The following COMMD1 variants were observed in gnomAD, a reference collection of about 807,000 sequenced individuals.
COMMD1 encodes the protein COMM domain-containing protein 1.
A neutral mutation model predicts 17.2 loss-of-function variants in COMMD1; 10 were observed. That is an observed-to-expected ratio of 0.58 (90% confidence interval 0.36 to 0.99). COMMD1 has a LOEUF of 0.99. Among genes scored for constraint, COMMD1 ranks in the 50% least tolerant of loss-of-function variants. COMMD1 has a pLI of 0.01. For synonymous variants in COMMD1, 97 were observed against 91.6 expected, an observed-to-expected ratio of 1.06 and a Z score of -0.34; for missense variants, 270 against 231.8, an observed-to-expected ratio of 1.17 and a Z score of -1.07.
At chr2:62,028,063 G>C (rs1012809455) in intron 2 of COMMD1, among the ~76,000 whole-genome samples, 1 of 152,182 alleles carries the variant, frequency 6.6e-6, no homozygotes, top group Admixed American at 6.5e-5. Flanking sequence ...GGAGTAGAAA[G>C]TCCTCTTCAC....
chr2:62,072,552 A>G (rs141771397), intron 2 of COMMD1, among the ~76,000 whole-genome samples: 75 of 152,318 alleles, frequency 4.9e-4, no homozygotes, highest in African/African-American at 1.6e-3. Context: ...GACACGGGAC[A>G]AGAACCTGGG....
Position 62,060,437 on chromosome 2 carries a change from G to GT in COMMD1, c.462+59461dup, listed in dbSNP as rs1394643372. On this transcript the variant is annotated intron_variant, in intron 2 of 2. Coordinates refer to ENST00000311832, the MANE Select transcript of COMMD1 (RefSeq NM_152516.4). The stretch of plus-strand genomic sequence containing the variant: ...CTTCTTTTATGCAGTAGTTGTCATG[G>GT]TTTTTTCTTAATGTGGTAACCCGTA... Among the ~76,000 whole-genome samples the GT allele has an allele frequency of 7.9e-5, 12 of 152,270 alleles. No homozygotes were observed. The East Asian group carries it at 2.1e-3, about 27-fold the overall frequency.
chr2:62,060,023 T>C (rs1272305598), intron 2 of COMMD1, among the ~76,000 whole-genome samples: 6 of 152,188 alleles, frequency 3.9e-5, no homozygotes, highest in African/African-American at 1.4e-4. Flanking sequence ...GATTACAATA[T>C]ACATTCTTAA....
chr2:61,999,832 T>C (rs1668873917), intron 1 of COMMD1, among the ~76,000 whole-genome samples: 1 of 152,200 alleles, frequency 6.6e-6, no homozygotes, highest in Non-Finnish European at 1.5e-5. Context: ...TGACATGGAA[T>C]TTTTAACAGT....
chr2:61,917,374 G>A (rs558715866), intron 1 of COMMD1, among the ~76,000 whole-genome samples: 2 of 151,722 alleles, frequency 1.3e-5, no homozygotes, highest in South Asian at 4.2e-4. Flanking sequence ...AAAAAAAAGT[G>A]CATTTGGTAT....
chr2:61,888,545 C>T (rs750142476), upstream of COMMD1: 2 of 1,593,680 alleles, frequency 1.3e-6, no homozygotes, highest in Admixed American at 1.7e-5. Context: ...TCGGGAAGGA[C>T]GGATGGACCC....
intron 1 of COMMD1, among the ~76,000 whole-genome samples, chr2:61,953,117 C>A (rs1671100730): frequency 6.6e-6 from 1 of 151,868 alleles, no homozygotes; most frequent in Admixed American, 6.6e-5. Flanking sequence ...TTAAGTGATT[C>A]TCCTGCCTCA....
chr2:62,073,697 T>A (rs1287785818), intron 2 of COMMD1, among the ~76,000 whole-genome samples: 2 of 152,082 alleles, frequency 1.3e-5, no homozygotes, highest in African/African-American at 4.8e-5. Context: ...AGAATAAACC[T>A]ATTTATTTAT....
chr2:61,991,954 T>C (rs1448725621), intron 1 of COMMD1, among the ~76,000 whole-genome samples: 1 of 152,212 alleles, frequency 6.6e-6, no homozygotes, highest in Non-Finnish European at 1.5e-5. Context: ...ATTCTTATAA[T>C]TCACATATAA....
At chr2:62,134,127 T>C (rs1267480998) in intron 2 of COMMD1, among the ~76,000 whole-genome samples, 1 of 151,982 alleles carries the variant, frequency 6.6e-6, no homozygotes, top group African/African-American at 2.4e-5. Flanking sequence ...TTTAGAAGTT[T>C]CTGCTCTTGG....
intron 2 of COMMD1, among the ~76,000 whole-genome samples, chr2:62,116,676 C>CAAA (rs70962759): frequency 1.1e-4 from 3 of 28,538 alleles, no homozygotes; most frequent in African/African-American, 1.5e-4. Context: ...TGTCTCATTA[C>CAAA]AAAAAAAAAA....
chr2:61,920,827 TC>T (rs1279032499), intron 1 of COMMD1, among the ~76,000 whole-genome samples: 7 of 151,604 alleles, frequency 4.6e-5, no homozygotes, highest in Admixed American at 4.0e-4. Context: ...GCAGAAGGAA[TC>T]CTAACCCTTA....
chr2:61,942,406 T>G (rs1217211595), intron 1 of COMMD1, among the ~76,000 whole-genome samples: 2 of 150,204 alleles, frequency 1.3e-5, no homozygotes, highest in African/African-American at 4.9e-5. Flanking sequence ...GCCTGGCTGT[T>G]TGTTTGTTGG....
intron 2 of COMMD1, 120 bp from the exon 3 acceptor site, chr2:62,135,711 G>A (rs1018666168): frequency 1.3e-5 from 9 of 704,652 alleles, no homozygotes; most frequent in Non-Finnish European, 2.1e-5. Context: ...ATATCACTTC[G>A]ATATTAAGGT....
At position 62,076,066 on chromosome 2, in the gene COMMD1, G is replaced by A. The variant is rs7557601; in HGVS notation, c.463-59765G>A. Among the ~76,000 whole-genome samples, 1,276 of 152,324 alleles carry A rather than the reference G, an allele frequency of 8.4e-3. 14 individuals carry two copies. The highest frequency in any genetic ancestry group is 0.029 in the African/African-American group (1,197 of 41,572). Reference sequence around the variant, plus strand: ...TCCCAGTGTCTTAGCCACCCTGGCTGCATTTGGGAGCTTTGCAAAAGGACT... The same window carrying A: ...TCCCAGTGTCTTAGCCACCCTGGCTACATTTGGGAGCTTTGCAAAAGGACT... On this transcript the variant is annotated intron_variant, in intron 2 of 2. Coordinates refer to ENST00000311832, the MANE Select transcript of COMMD1 (RefSeq NM_152516.4).
chr2:62,060,081 C>G (rs1246677016), intron 2 of COMMD1, among the ~76,000 whole-genome samples: 1 of 152,130 alleles, frequency 6.6e-6, no homozygotes, highest in African/African-American at 2.4e-5. Context: ...GTAATCCCAG[C>G]ACTTTGGGAG....
At chr2:62,133,423 C>G (rs187867560) in intron 2 of COMMD1, among the ~76,000 whole-genome samples, 101 of 152,090 alleles carry the variant, frequency 6.6e-4, no homozygotes, top group Non-Finnish European at 1.3e-3. Flanking sequence ...AAAAGTTTTT[C>G]TCTGCCTTCT....
intron 2 of COMMD1, among the ~76,000 whole-genome samples, chr2:62,007,040 G>A (rs1669141235): frequency 6.6e-6 from 1 of 152,162 alleles, no homozygotes; most frequent in East Asian, 1.9e-4. Flanking sequence ...GAACCATTTA[G>A]TACTGAATTG....
intron 2 of COMMD1, among the ~76,000 whole-genome samples, chr2:62,062,330 G>A (rs987317426): frequency 9.2e-5 from 14 of 151,796 alleles, no homozygotes; most frequent in Non-Finnish European, 7.4e-5. Flanking sequence ...AGGTTCAAGC[G>A]ATTCTCCTGC....
Sources: gnomAD v4.1 joint callset for allele counts (sites outside exome capture counted in the v4.1 genomes callset) on GRCh38, gnomAD v4.1.1 for gene constraint, MANE v1.5 for transcripts, NCBI Gene and HGNC (gene_info 2026-07-23, HGNC 2026-07-21) for gene names.